The following PTK2 variants were observed in gnomAD, a reference collection of about 807,000 sequenced individuals.
PTK2 encodes the protein focal adhesion kinase 1.
PTK2 carries 45 observed loss-of-function variants against 150.1 expected under a neutral mutation model. That is an observed-to-expected ratio of 0.30 (90% CI 0.24 to 0.38). The LOEUF is 0.38. Among genes scored for constraint, PTK2 ranks in the 10% least tolerant of loss-of-function variants. The pLI, the probability that PTK2 is intolerant of heterozygous loss-of-function variation, is 1.00. For missense variants in PTK2, 919 were observed against 1,307.3 expected (o/e 0.70, Z 4.58); for synonymous variants, 432 against 449.2 (o/e 0.96, Z 0.48).
chr8:140,670,607 T>C (rs538078102), intron 29 of PTK2, among the ~76,000 whole-genome samples: 3 of 151,830 alleles, frequency 2.0e-5, no homozygotes, highest in South Asian at 4.2e-4. Context: ...CTGATTCTTA[T>C]GATTAGGTTC....
chr8:140,906,992 T>C (rs1461418633), intron 2 of PTK2, among the ~76,000 whole-genome samples: 2 of 152,186 alleles, frequency 1.3e-5, no homozygotes, highest in African/African-American at 2.4e-5. Flanking sequence ...GTTATTAAGA[T>C]TGAAGCCTAT....
At chr8:140,972,557 G>T (rs1431700213) in intron 1 of PTK2, among the ~76,000 whole-genome samples, 2 of 152,154 alleles carry the variant, frequency 1.3e-5, no homozygotes, top group Non-Finnish European at 2.9e-5. Context: ...GAGCCACTGT[G>T]CCCAGCCTCA....
chr8:140,690,359 C>G (rs775837200), intron 26 of PTK2, among the ~76,000 whole-genome samples: 6 of 151,686 alleles, frequency 4.0e-5, no homozygotes, highest in Admixed American at 2.0e-4. Flanking sequence ...AACTCCTGGC[C>G]TCAAGCAATC....
intron 18 of PTK2, 124 bp from the exon 22 acceptor site, chr8:140,744,891 G>C (rs1175617141): frequency 2.0e-6 from 1 of 499,808 alleles, no homozygotes; most frequent in East Asian, 2.9e-5. Context: ...AATAATATTA[G>C]AATGGCTTCA....
intron 7 of PTK2, chr8:140,833,170 T>A: frequency 2.4e-6 from 1 of 409,836 alleles, no homozygotes. Context: ...TGAAGACAAC[T>A]CCATTAAAAA....
intron 7 of PTK2, among the ~76,000 whole-genome samples, chr8:140,838,400 A>AT (rs2100120105): frequency 6.6e-6 from 1 of 152,222 alleles, no homozygotes; most frequent in Non-Finnish European, 1.5e-5. Flanking sequence ...TGGTGTGTGC[A>AT]TGCGAGTCCC....
intron 1 of PTK2, among the ~76,000 whole-genome samples, chr8:140,960,712 T>C (rs571781677): frequency 6.6e-6 from 1 of 152,288 alleles, no homozygotes; most frequent in East Asian, 1.9e-4. Flanking sequence ...CTGGGCGCGG[T>C]GGCTCACTCT....
chr8:140,825,818 T>C (rs775736775), intron 8 of PTK2, among the ~76,000 whole-genome samples: 5 of 152,230 alleles, frequency 3.3e-5, no homozygotes, highest in Admixed American at 6.5e-5. Context: ...TTTTCAAGAG[T>C]AATCATCAGA....
intron 3 of PTK2, 39 bp from the exon 4 acceptor site, chr8:140,879,676 G>GAAAAA: frequency 1.2e-3 from 42 of 34,568 alleles, no homozygotes; most frequent in African/African-American, 5.7e-3. Context: ...GTTATAAACT[G>GAAAAA]AAAAAAAAAA....
At chr8:140,770,769 T>C in intron 14 of PTK2, 1 of 1,349,730 alleles carries the variant, frequency 7.4e-7, no homozygotes, top group Non-Finnish European at 9.8e-7. Context: ...GCGCCTAGCT[T>C]TCTTAACTTT....
chr8:140,794,491 T>TC (rs934081776), intron 12 of PTK2, among the ~76,000 whole-genome samples: 9 of 151,062 alleles, frequency 6.0e-5, no homozygotes, highest in African/African-American at 1.2e-4. Context: ...TCTAATCAGT[T>TC]CCCCCCCACC....
At chr8:140,818,850 G>C (rs1211791349) in intron 9 of PTK2, 30 bp downstream of exon 9, 1 of 1,599,582 alleles carries the variant, frequency 6.3e-7, no homozygotes, top group East Asian at 2.3e-5. Context: ...AATCAAACTA[G>C]CCCACTATTT....
chr8:140,947,037 C>T (rs1394718973), intron 1 of PTK2, among the ~76,000 whole-genome samples: 13 of 152,200 alleles, frequency 8.5e-5, no homozygotes, highest in Admixed American at 2.6e-4. Flanking sequence ...ACCTGGACTG[C>T]TGAGAGCCAG....
At chr8:140,803,032 T>TTTTTTTTTTTTTTTA (rs2100096140) in intron 11 of PTK2, among the ~76,000 whole-genome samples, 1 of 144,802 alleles carries the variant, frequency 6.9e-6, no homozygotes, top group African/African-American at 2.6e-5. Context: ...TTTTTTTTTT[T>TTTTTTTTTTTTTTTA]GAGACACGGT....
intron 21 of PTK2, 21 bp from the exon 25 acceptor site, chr8:140,735,476 C>T (rs756845887): frequency 6.2e-7 from 1 of 1,609,296 alleles, no homozygotes; most frequent in South Asian, 1.1e-5. Flanking sequence ...GGAATGAAAA[C>T]ACAACAGTGA....
intron 29 of PTK2, among the ~76,000 whole-genome samples, chr8:140,671,114 C>T (rs1381566924): frequency 6.6e-6 from 1 of 152,130 alleles, no homozygotes; most frequent in African/African-American, 2.4e-5. Flanking sequence ...TAGGTTGATG[C>T]TTAAAGACTC....
At chr8:140,889,459 C>A (rs2100153501) in intron 3 of PTK2, among the ~76,000 whole-genome samples, 1 of 152,040 alleles carries the variant, frequency 6.6e-6, no homozygotes, top group African/African-American at 2.4e-5. Flanking sequence ...AAACTCCTGA[C>A]CTCAAGTGAC....
chr8:140,836,696 T>C (rs1164986207), intron 7 of PTK2, among the ~76,000 whole-genome samples: 2 of 152,148 alleles, frequency 1.3e-5, no homozygotes, highest in Non-Finnish European at 2.9e-5. Context: ...ATTTATCCAT[T>C]CTAGAAATAC....
intron 1 of PTK2, among the ~76,000 whole-genome samples, chr8:140,988,665 C>G (rs1055836897): frequency 7.0e-6 from 1 of 143,514 alleles, no homozygotes; most frequent in Admixed American, 7.5e-5. Flanking sequence ...GGAGGCGGAG[C>G]CTGCAGTGAG....
Sources: allele counts gnomAD v4.1 joint callset (sites outside exome capture counted in the v4.1 genomes callset), GRCh38; gene constraint gnomAD v4.1.1; transcripts MANE v1.5; gene names NCBI Gene and HGNC (gene_info 2026-07-23, HGNC 2026-07-21).